The following EDA variants were observed in gnomAD, a reference collection of about 807,000 sequenced individuals.
The protein encoded by EDA is ectodysplasin-A.
Under a neutral mutation model 23.6 loss-of-function variants are expected in EDA, and 2 were observed. The ratio of observed to expected loss-of-function variants is 0.08; its 90% CI spans 0.03 to 0.27. The LOEUF (loss-of-function observed/expected upper bound fraction) is 0.27, where lower values mean the gene tolerates loss of function less well. Among genes scored for constraint, EDA ranks in the 10% least tolerant of loss-of-function variants. The pLI is 1.00. For missense variants in EDA, 229 were observed against 324.2 expected (o/e 0.71, Z 2.26); for synonymous variants, 131 against 132.0 (o/e 0.99, Z 0.05).
At chrX:70,010,723 T>C (rs2019863448) in intron 2 of EDA, among the ~76,000 whole-genome samples, 1 of 112,000 alleles carries the variant, frequency 8.9e-6, no homozygotes, top group South Asian at 3.8e-4. Context: ...TTAATGGACC[T>C]ACAGTTCCAC....
chrX:69,822,700 A>C (rs1245459448), intron 1 of EDA, among the ~76,000 whole-genome samples: 2 of 110,804 alleles, frequency 1.8e-5, no homozygotes, highest in African/African-American at 6.6e-5. Context: ...TTTTTAATTT[A>C]TTTATTATTA....
At chrX:69,630,081 A>G (rs1272937131) in intron 1 of EDA, among the ~76,000 whole-genome samples, 1 of 111,475 alleles carries the variant, frequency 9.0e-6, no homozygotes, top group Non-Finnish European at 1.9e-5. Context: ...TGTCTTGTAT[A>G]GTGCAAAATA....
chrX:69,794,588 T>A (rs2015497458), intron 1 of EDA, among the ~76,000 whole-genome samples: 1 of 112,392 alleles, frequency 8.9e-6, no homozygotes, highest in South Asian at 3.7e-4. Flanking sequence ...AAAAGACTCC[T>A]CTAGCTACAA....
chrX:69,948,336 G>A (rs12687596), intron 1 of EDA, among the ~76,000 whole-genome samples: 1 of 112,376 alleles, frequency 8.9e-6, no homozygotes, highest in African/African-American at 3.2e-5. Context: ...ACTGCTTTTA[G>A]CTCTATGTGA....
chrX:69,632,762 G>A (rs1203572747), intron 1 of EDA, among the ~76,000 whole-genome samples: 1 of 111,803 alleles, frequency 8.9e-6, no homozygotes, highest in African/African-American at 3.3e-5. Context: ...CCCCACTCTT[G>A]TGCTCCTGTC....
intron 2 of EDA, among the ~76,000 whole-genome samples, chrX:69,997,722 G>A (rs1217109150): frequency 1.8e-5 from 2 of 112,213 alleles, no homozygotes; most frequent in Non-Finnish European, 3.8e-5. Context: ...CAGGGTCCCT[G>A]TGCTGTGTGC....
At chrX:69,902,314 A>G (rs1469799007) in intron 1 of EDA, among the ~76,000 whole-genome samples, 1 of 111,249 alleles carries the variant, frequency 9.0e-6, no homozygotes, top group Non-Finnish European at 1.9e-5. Flanking sequence ...AGCTTTGGAC[A>G]CTCCCTGATT....
chrX:69,756,784 A>G (rs1228132158), intron 1 of EDA: 1 of 112,090 alleles, frequency 8.9e-6, no homozygotes, highest in Admixed American at 9.5e-5. Flanking sequence ...CATTACTACA[A>G]TAAACCTATA....
At chrX:70,022,809 C>T in intron 2 of EDA, 1 of 120,358 alleles carries the variant, frequency 8.3e-6, no homozygotes, top group Middle Eastern at 6.8e-4. Flanking sequence ...TGACCCTTTG[C>T]TCCTTCCAAG....
At chrX:69,858,373 G>A (rs2017304090) in intron 1 of EDA, among the ~76,000 whole-genome samples, 1 of 111,791 alleles carries the variant, frequency 8.9e-6, no homozygotes, top group South Asian at 3.7e-4. Context: ...TGCCATAGAT[G>A]GCTCTTATTA....
At chrX:69,660,971 A>G in intron 1 of EDA, among the ~76,000 whole-genome samples, 1 of 110,941 alleles carries the variant, frequency 9.0e-6, no homozygotes, top group Non-Finnish European at 1.9e-5. Flanking sequence ...AACAGTGTAA[A>G]AGTGTTCCTA....
intron 3 of EDA, among the ~76,000 whole-genome samples, chrX:70,026,885 C>G (rs1315449210): frequency 2.7e-5 from 3 of 110,059 alleles, no homozygotes; most frequent in African/African-American, 1.0e-4. Flanking sequence ...TCCTCCTTCT[C>G]CATTCCCCCA....
intron 1 of EDA, among the ~76,000 whole-genome samples, chrX:69,660,586 G>C (rs768941158): frequency 9.2e-6 from 1 of 109,023 alleles, no homozygotes; most frequent in South Asian, 4.1e-4. Context: ...GTGAGTACAT[G>C]TGGTGTTTGG....
intron 1 of EDA, among the ~76,000 whole-genome samples, chrX:69,900,581 C>A (rs2018084250): frequency 9.1e-6 from 1 of 110,058 alleles, no homozygotes; most frequent in Admixed American, 9.7e-5. Context: ...TTGCCTTATT[C>A]CTAACATCTT....
At chrX:69,989,275 A>G (rs1395819083) in intron 2 of EDA, among the ~76,000 whole-genome samples, 1 of 111,861 alleles carries the variant, frequency 8.9e-6, no homozygotes, top group Non-Finnish European at 1.9e-5. Flanking sequence ...AGTGAGGCCA[A>G]GGGGGTAGCC....
intron 1 of EDA, among the ~76,000 whole-genome samples, chrX:69,806,264 C>CT (rs1291561602): frequency 9.0e-6 from 1 of 111,644 alleles, no homozygotes; most frequent in African/African-American, 3.2e-5. Flanking sequence ...ACTAATAACT[C>CT]TGACTTTAGA....
At chrX:69,650,650 A>G (rs1256862810) in intron 1 of EDA, among the ~76,000 whole-genome samples, 1 of 112,256 alleles carries the variant, frequency 8.9e-6, no homozygotes, top group Non-Finnish European at 1.9e-5. Flanking sequence ...TCCAACCATT[A>G]CACACTGTAT....
chrX:69,888,554 A>G (rs1039907495), intron 1 of EDA, among the ~76,000 whole-genome samples: 83 of 109,035 alleles, frequency 7.6e-4, no homozygotes, highest in Admixed American at 4.0e-4. Flanking sequence ...CCCACAAGAG[A>G]CTCATTTAAA....
At chrX:69,785,511 G>A (rs2015129822) in intron 1 of EDA, among the ~76,000 whole-genome samples, 1 of 108,712 alleles carries the variant, frequency 9.2e-6, no homozygotes, top group African/African-American at 3.3e-5. Flanking sequence ...AAGGGTTGTT[G>A]AATTTTGTCA....
Sources: allele counts gnomAD v4.1 joint callset (sites outside exome capture counted in the v4.1 genomes callset), GRCh38; gene constraint gnomAD v4.1.1; transcripts MANE v1.5; gene names NCBI Gene and HGNC (gene_info 2026-07-23, HGNC 2026-07-21).